Variants in MCTP1 observed in about 807,000 individuals in gnomAD.
MCTP1 encodes multiple C2 and transmembrane domain containing 1.
Under a neutral mutation model 120.6 loss-of-function variants are expected in MCTP1, and 69 were observed. The ratio of observed to expected loss-of-function variants is 0.57; its 90% CI spans 0.47 to 0.70. The LOEUF is 0.70. MCTP1 is among the 30% of genes least tolerant of loss of function. The pLI, the probability that MCTP1 is intolerant of heterozygous loss-of-function variation, is 0.00. For synonymous variants in MCTP1, 529 were observed against 493.1 expected, an observed-to-expected ratio of 1.07 and a Z score of -0.96; for missense variants, 1,203 against 1,248.8, an observed-to-expected ratio of 0.96 and a Z score of 0.55.
intron 1 of MCTP1, among the ~76,000 whole-genome samples, chr5:95,084,550 T>A (rs547302460): frequency 6.6e-6 from 1 of 151,246 alleles, no homozygotes; most frequent in Non-Finnish European, 1.5e-5. Context: ...TTTTTTTTTT[T>A]CCTCTTGGCC....
chr5:94,867,553 T>G, intron 17 of MCTP1: 1 of 442,572 alleles, frequency 2.3e-6, no homozygotes, highest in Non-Finnish European at 4.0e-6. Context: ...GTACTCATAT[T>G]TGAACAAACA....
intron 1 of MCTP1, among the ~76,000 whole-genome samples, chr5:95,054,718 G>T (rs1468758083): frequency 2.6e-5 from 4 of 152,196 alleles, no homozygotes; most frequent in Non-Finnish European, 5.9e-5. Context: ...AGAAGTTATA[G>T]ACCATCAGAA....
At chr5:95,021,730 G>T (rs1008765206) in intron 1 of MCTP1, among the ~76,000 whole-genome samples, 1 of 151,896 alleles carries the variant, frequency 6.6e-6, no homozygotes, top group African/African-American at 2.4e-5. Context: ...TGTATATAAT[G>T]CCTTTTTGAC....
At chr5:95,264,244 T>A (rs901228727) in intron 1 of MCTP1, among the ~76,000 whole-genome samples, 4 of 152,238 alleles carry the variant, frequency 2.6e-5, no homozygotes, top group African/African-American at 9.6e-5. Context: ...ATCAATGTGA[T>A]AGCCTTTAGG....
intron 17 of MCTP1, among the ~76,000 whole-genome samples, chr5:94,844,242 C>T (rs1160935537): frequency 2.2e-5 from 3 of 133,540 alleles, no homozygotes; most frequent in South Asian, 2.3e-4. Flanking sequence ...GCAAAGGTTG[C>T]AGTGAGCCGA....
At chr5:94,799,647 G>T (rs1780788896) in intron 17 of MCTP1, among the ~76,000 whole-genome samples, 1 of 152,106 alleles carries the variant, frequency 6.6e-6, no homozygotes, top group Non-Finnish European at 1.5e-5. Flanking sequence ...AAAAAGCACT[G>T]CTACGGACAA....
intron 17 of MCTP1, among the ~76,000 whole-genome samples, chr5:94,839,488 T>C (rs1397090237): frequency 6.6e-6 from 1 of 152,122 alleles, no homozygotes; most frequent in African/African-American, 2.4e-5. Flanking sequence ...CTCAATAAAA[T>C]AGAATTTTTT....
intron 17 of MCTP1, among the ~76,000 whole-genome samples, chr5:94,818,861 C>T (rs1025998532): frequency 2.6e-5 from 4 of 152,124 alleles, no homozygotes; most frequent in African/African-American, 4.8e-5. Flanking sequence ...CAAGATCTTA[C>T]CAAATTCAAT....
Position 94,707,213 on chromosome 5 carries a change from C to A in MCTP1, c.*283G>T. On this transcript the variant is annotated 3_prime_UTR_variant, in exon 23 of 23. Transcript: ENST00000515393. ...AGTAATTAGATAAGAATATATCTTC[C>A]AGTGTTATCATTCTTATATTTGTTC... The A allele has an allele frequency of 3.6e-6, 1 of 279,634 alleles. No individual in the cohort carries two copies. The allele number at this position is 279,634 out of a possible 1,614,324, so 17.3% of individuals were successfully genotyped here. A position where few individuals can be genotyped will look rare whatever the true frequency, so the allele number is the denominator to read the frequency against.
At chr5:95,095,169 G>A (rs989182269) in intron 1 of MCTP1, among the ~76,000 whole-genome samples, 2 of 150,412 alleles carry the variant, frequency 1.3e-5, no homozygotes, top group African/African-American at 2.4e-5. Context: ...GACTACAGGC[G>A]CCCGCTACCA....
intron 3 of MCTP1, among the ~76,000 whole-genome samples, chr5:94,948,472 T>G (rs1819675934): frequency 6.6e-6 from 1 of 152,080 alleles, no homozygotes. Context: ...TTTTTTTGGG[T>G]CCAAAATAGT....
chr5:95,149,358 C>T (rs1172442030), intron 1 of MCTP1, among the ~76,000 whole-genome samples: 1 of 152,106 alleles, frequency 6.6e-6, no homozygotes, highest in East Asian at 1.9e-4. Context: ...GGGTACCATC[C>T]AAGGTGGCGA....
chr5:94,730,234 C>T (rs1434211433), intron 19 of MCTP1, among the ~76,000 whole-genome samples: 1 of 152,196 alleles, frequency 6.6e-6, no homozygotes, highest in African/African-American at 2.4e-5. Context: ...AAACATGGCC[C>T]ACTGCAGCCT....
chr5:95,061,577 A>C (rs1215671123), intron 1 of MCTP1, among the ~76,000 whole-genome samples: 1 of 149,262 alleles, frequency 6.7e-6, no homozygotes, highest in Non-Finnish European at 1.5e-5. Context: ...CTGGGACTAC[A>C]GGCGCCCGCC....
chr5:94,719,922 G>A (rs1333229176), intron 19 of MCTP1, among the ~76,000 whole-genome samples: 1 of 152,114 alleles, frequency 6.6e-6, no homozygotes, highest in Non-Finnish European at 1.5e-5. Flanking sequence ...CTGGGGTCAG[G>A]TGTTCGAGAC....
chr5:95,123,609 C>A (rs1362664507), intron 1 of MCTP1, among the ~76,000 whole-genome samples: 1 of 151,430 alleles, frequency 6.6e-6, no homozygotes, highest in Non-Finnish European at 1.5e-5. Context: ...AAGATATATA[C>A]TTTGGGTTTC....
chr5:95,260,134 T>C (rs957914510), intron 1 of MCTP1, among the ~76,000 whole-genome samples: 1 of 152,162 alleles, frequency 6.6e-6, no homozygotes, highest in Non-Finnish European at 1.5e-5. Context: ...CCCATGTATC[T>C]GTAAGGGTAT....
At chr5:94,797,889 G>A (rs1780417850) in intron 18 of MCTP1, among the ~76,000 whole-genome samples, 1 of 152,054 alleles carries the variant, frequency 6.6e-6, no homozygotes, top group South Asian at 2.1e-4. Context: ...GCTATTTGAA[G>A]TGTATTTTGC....
intron 20 of MCTP1, among the ~76,000 whole-genome samples, chr5:94,714,065 A>G (rs1483239286): frequency 6.6e-6 from 1 of 152,156 alleles, no homozygotes; most frequent in Non-Finnish European, 1.5e-5. Flanking sequence ...CTTTTAACTG[A>G]TAATTGCTGT....
Sources: gnomAD v4.1 joint callset for allele counts (sites outside exome capture counted in the v4.1 genomes callset) on GRCh38, gnomAD v4.1.1 for gene constraint, MANE v1.5 for transcripts, NCBI Gene and HGNC (gene_info 2026-07-23, HGNC 2026-07-21) for gene names.